The following HS3ST5 variants were observed in gnomAD, a reference collection of about 807,000 sequenced individuals.
HS3ST5 encodes heparan sulfate-glucosamine 3-sulfotransferase 5.
In HS3ST5, 10 loss-of-function variants were observed where a neutral mutation model predicts 25.4. That is an observed-to-expected ratio of 0.39 (90% confidence interval 0.24 to 0.67). HS3ST5 has a LOEUF of 0.67. Ranked by LOEUF, HS3ST5 falls within the 30% of genes least tolerant of loss-of-function variation. The probability of loss-of-function intolerance (pLI) is 0.44; values close to 1 mark genes in which losing one functional copy is unlikely to be tolerated. For synonymous variants in HS3ST5, 170 were observed against 162.4 expected (o/e 1.05, Z -0.36); for missense variants, 324 against 420.7 (o/e 0.77, Z 2.01).
chr6:114,314,887 G>A (rs969986516), intron 1 of HS3ST5, among the ~76,000 whole-genome samples: 1 of 152,178 alleles, frequency 6.6e-6, no homozygotes, highest in Non-Finnish European at 1.5e-5. Context: ...CACTAACTGT[G>A]AAGAGGAATG....
intron 2 of HS3ST5, among the ~76,000 whole-genome samples, chr6:114,207,313 C>T (rs944218219): frequency 3.3e-5 from 5 of 152,122 alleles, no homozygotes; most frequent in East Asian, 3.9e-4. Context: ...AGAAAAGGAG[C>T]GCAAGTCAGG....
intron 1 of HS3ST5, among the ~76,000 whole-genome samples, chr6:114,301,208 A>C (rs567260196): frequency 1.3e-5 from 2 of 152,346 alleles, no homozygotes; most frequent in East Asian, 3.9e-4. Context: ...AAAAATAATA[A>C]GCAGGTTTCA....
chr6:114,128,592 C>G (rs1777163156), intron 3 of HS3ST5, among the ~76,000 whole-genome samples: 2 of 152,142 alleles, frequency 1.3e-5, no homozygotes, highest in Non-Finnish European at 1.5e-5. Context: ...AAACACTACT[C>G]AATAGGCACA....
At chr6:114,084,216 G>T in intron 3 of HS3ST5, 1 of 1,099,144 alleles carries the variant, frequency 9.1e-7, no homozygotes, top group Non-Finnish European at 1.4e-6. Context: ...CCTGAGCAAT[G>T]GGAGCTGCAG....
intron 2 of HS3ST5, among the ~76,000 whole-genome samples, chr6:114,202,275 C>A (rs1781058549): frequency 6.6e-6 from 1 of 152,114 alleles, no homozygotes; most frequent in African/African-American, 2.4e-5. Context: ...TTTTAAAAAT[C>A]CTGCAACCCC....
intron 2 of HS3ST5, among the ~76,000 whole-genome samples, chr6:114,223,423 T>A (rs1157943053): frequency 2.0e-5 from 3 of 151,754 alleles, no homozygotes; most frequent in African/African-American, 7.2e-5. Flanking sequence ...GAACTGAAAT[T>A]CCCTATTTGT....
chr6:114,244,583 T>G (rs1376877322), intron 1 of HS3ST5, among the ~76,000 whole-genome samples: 1 of 152,214 alleles, frequency 6.6e-6, no homozygotes, highest in Non-Finnish European at 1.5e-5. Flanking sequence ...AATTCAAGGT[T>G]TGGCCTAAAG....
chr6:114,136,891 AATTGTT>A (rs2114922890), intron 3 of HS3ST5, among the ~76,000 whole-genome samples: 1 of 152,272 alleles, frequency 6.6e-6, no homozygotes, highest in African/African-American at 2.4e-5. Context: ...TTTTAATTAT[AATTGTT>A]ACAAAAACAA....
rs191861603 is a variant in HS3ST5 at position 114,170,471 on chromosome 6, C to G, written c.-144-2009G>C. ...TACAAAATGTAACTATTTTCTGTTG[C>G]AGTAGTAAATGCTGTTTCAGTTACT... On this transcript the variant is annotated intron_variant, in intron 2 of 4. Coordinates refer to ENST00000312719, the MANE Select transcript of HS3ST5 (RefSeq NM_153612.4). Among the ~76,000 whole-genome samples the G allele has an allele frequency of 7.8e-4, 118 of 152,150 alleles. 2 individuals are homozygous for G. The highest frequency in any genetic ancestry group is 2.7e-3 in the African/African-American group (114 of 41,530).
At chr6:114,082,064 C>T (rs571658690) in intron 3 of HS3ST5, among the ~76,000 whole-genome samples, 5 of 152,292 alleles carry the variant, frequency 3.3e-5, no homozygotes, top group Non-Finnish European at 4.4e-5. Context: ...TAATTTCTGT[C>T]GCACTATTCC....
At position 114,294,124 on chromosome 6, in the gene HS3ST5, C is replaced by T. The variant is rs990092564; in HGVS notation, c.-339+48071G>A. ...AGAAACACTTAAGGAGAAGCAGCTGCAGGAAATTTGGAATGTTTCAGATGA... is the reference window on the plus strand; with the variant it reads ...AGAAACACTTAAGGAGAAGCAGCTGTAGGAAATTTGGAATGTTTCAGATGA... On this transcript the variant is annotated intron_variant, in intron 1 of 4. Transcript: ENST00000312719. Among the ~76,000 whole-genome samples the T allele has an allele frequency of 1.4e-4, 22 of 152,120 alleles. 1 individual carries two copies. Among genetic ancestry groups the T allele is most frequent in the Middle Eastern group, 3.2e-3 (1 of 316 alleles).
intron 2 of HS3ST5, 51 bp downstream of exon 2, chr6:114,228,534 C>T (rs766942524): frequency 1.3e-5 from 2 of 151,968 alleles, no homozygotes; most frequent in Non-Finnish European, 2.9e-5. Context: ...ACTTTTGATG[C>T]CATTAAGAGT....
rs566318963 is a variant in HS3ST5, at chr6:114,309,405, C to T, written c.-339+32790G>A. On this transcript the variant is annotated intron_variant, in intron 1 of 4. Coordinates refer to ENST00000312719, the MANE Select transcript of HS3ST5 (RefSeq NM_153612.4). Reference sequence around the variant, plus strand: ...CCAATATAATGAATTCAGTAGTAACCACAGGTTGAAAATATTAAATATCCT... The same window carrying T: ...CCAATATAATGAATTCAGTAGTAACTACAGGTTGAAAATATTAAATATCCT... Among the ~76,000 whole-genome samples the T allele has an allele frequency of 1.5e-4, 23 of 152,206 alleles. No homozygotes were observed. In the South Asian group the frequency reaches 4.8e-3, roughly 32 times the overall value.
chr6:114,279,736 G>T (rs938206924), intron 1 of HS3ST5, among the ~76,000 whole-genome samples: 2 of 152,012 alleles, frequency 1.3e-5, no homozygotes, highest in East Asian at 3.9e-4. Flanking sequence ...GTCTCTTGCA[G>T]CAGGGCAGTG....
intron 3 of HS3ST5, among the ~76,000 whole-genome samples, chr6:114,068,630 A>C (rs769447951): frequency 3.9e-5 from 6 of 152,110 alleles, no homozygotes; most frequent in Non-Finnish European, 8.8e-5. Context: ...CAACCCCCAA[A>C]TCCCATCCCT....
chr6:114,108,508 C>T (rs1279467832), intron 3 of HS3ST5, among the ~76,000 whole-genome samples: 1 of 152,120 alleles, frequency 6.6e-6, no homozygotes, highest in Non-Finnish European at 1.5e-5. Flanking sequence ...CCTAGAAGAG[C>T]CTGTCCAGTG....
chr6:114,337,610 T>A (rs2114936629), intron 1 of HS3ST5, among the ~76,000 whole-genome samples: 2 of 152,340 alleles, frequency 1.3e-5, no homozygotes, highest in East Asian at 3.9e-4. Flanking sequence ...TACAGCACTA[T>A]GCTCAAGGAC....
intron 1 of HS3ST5, among the ~76,000 whole-genome samples, chr6:114,283,875 A>G (rs1774230074): frequency 6.6e-6 from 1 of 152,044 alleles, no homozygotes; most frequent in Admixed American, 6.6e-5. Context: ...AAGCAGGTGG[A>G]TTATTTAGGC....
intron 1 of HS3ST5, among the ~76,000 whole-genome samples, chr6:114,280,567 AC>A (rs1189068098): frequency 6.6e-6 from 1 of 152,042 alleles, no homozygotes; most frequent in African/African-American, 2.4e-5. Flanking sequence ...TGAATGTTAA[AC>A]TATTAAGTTA....
Sources: allele counts gnomAD v4.1 joint callset (sites outside exome capture counted in the v4.1 genomes callset), GRCh38; gene constraint gnomAD v4.1.1; transcripts MANE v1.5; gene names NCBI Gene and HGNC (gene_info 2026-07-23, HGNC 2026-07-21).